Variants in PER3 observed in about 807,000 individuals in gnomAD.
The protein encoded by PER3 is period circadian protein homolog 3.
PER3 carries 107 observed loss-of-function variants against 127.2 expected under a neutral mutation model. The observed-to-expected ratio is 0.84, with a 90% CI of 0.72 to 0.99. The LOEUF (loss-of-function observed/expected upper bound fraction) is 0.99, where lower values mean the gene tolerates loss of function less well. Among genes scored for constraint, PER3 ranks in the 50% least tolerant of loss-of-function variants. The pLI is 0.00. For missense variants in PER3, 1,560 were observed against 1,525.8 expected (o/e 1.02, Z -0.37); for synonymous variants, 618 against 585.8 (o/e 1.05, Z -0.79).
Position 7,801,156 on chromosome 1 carries a change from C to T in PER3, c.837C>T (p.His279=). 6.2e-7 allele frequency: 1 copy of T among 1,607,922 alleles called. No individual in the cohort carries two copies. The highest frequency in any genetic ancestry group is 1.1e-5 in the South Asian group (1 of 90,066). ...ATAAAAGAATCTTCACCACCACACA[C>T]ACCCCAGGGTGTGTTTTTCTTGAAG... is the stretch of plus-strand genomic sequence containing the variant. ...PVNKRIFTTT[H]TPGCVFLEVD... is the part of the protein sequence containing the mutation. The change falls in exon 8 of 22, where the codon CAC becomes CAT. Residue 279 remains histidine, a synonymous_variant. Transcript: ENST00000377532.
chr1:7,809,393 T>C (rs891748610), intron 11 of PER3, among the ~76,000 whole-genome samples: 2 of 152,204 alleles, frequency 1.3e-5, no homozygotes, highest in Admixed American at 1.3e-4. Flanking sequence ...AATGTATGTG[T>C]TGAAATAACT....
At chr1:7,810,614 T>G in intron 13 of PER3, 26 bp downstream of exon 13, 1 of 1,592,490 alleles carries the variant, frequency 6.3e-7, no homozygotes, top group Non-Finnish European at 8.5e-7. Flanking sequence ...GCCCCAAGGA[T>G]CTCCTTCCAT....
rs1330264712 is a variant in PER3, at chr1:7,788,907, G to GGAA, written c.592+661_592+662insGAA. ...CGACAAGCGTGAAACTGTTTCTGGGGAAAAAAAAAAAAAAAAATTCAGATC... is the reference window on the plus strand; with the variant it reads ...CGACAAGCGTGAAACTGTTTCTGGGGGAAAAAAAAAAAAAAAAAAATTCAGATC... On this transcript the variant is annotated intron_variant, in intron 5 of 21. Transcript: ENST00000377532. Among the ~76,000 whole-genome samples, 46 of 141,786 alleles carry GGAA rather than the reference G, an allele frequency of 3.2e-4. 1 individual carries two copies. The highest frequency in any genetic ancestry group is 2.9e-3 in the East Asian group (14 of 4,892). The allele number at this position is 141,786 out of a possible 152,430, so 93.0% of individuals were successfully genotyped here.
intron 10 of PER3, among the ~76,000 whole-genome samples, chr1:7,804,303 CTTT>C (rs2097183389): frequency 1.6e-5 from 2 of 128,202 alleles, no homozygotes; most frequent in Non-Finnish European, 3.4e-5. Flanking sequence ...ACAAGTGTTT[CTTT>C]CTTTCTTTTT....
rs2097309366 is a variant in PER3, at chr1:7,827,710, G to A, written c.2781G>A (p.Ser927=). Residue 927 remains serine, a synonymous_variant, in exon 18 of 22, where the codon TCG becomes TCA. Transcript: ENST00000377532. Reference sequence around the variant, plus strand: ...GCGAGGGGCACCCGTTCATTACTTCGAGAAGCAGCTCACCCTTGCAGTTAA... The same window carrying A: ...GCGAGGGGCACCCGTTCATTACTTCAAGAAGCAGCTCACCCTTGCAGTTAA... The part of the protein sequence containing the change: ...AQSEGHPFIT[S]RSSSPLQLNL... 5 of 1,614,166 alleles carry A rather than the reference G, an allele frequency of 3.1e-6. No individual in the cohort carries two copies. The East Asian group carries it at 8.9e-5, about 29-fold the overall frequency.
Position 7,829,887 on chromosome 1 carries a change from A to G in PER3, c.2940A>G (p.Ala980=), listed in dbSNP as rs116369722. The change falls in exon 19 of 22, where the codon GCA becomes GCG. Residue 980 remains alanine, a synonymous_variant. Transcript: ENST00000377532. ...AGAGCAGTCCTGCTACTACCGGTGCACTGTCCACGGGGTCACCTCCCAGGG... is the reference window on the plus strand; with the variant it reads ...AGAGCAGTCCTGCTACTACCGGTGCGCTGTCCACGGGGTCACCTCCCAGGG... ...GSESSPATTG[A]LSTGSPPREN... is the part of the protein sequence containing the mutation. 2.4e-3 allele frequency: 3,857 copies of G among 1,613,970 alleles called. 94 individuals are homozygous for G. In the African/African-American group the frequency reaches 0.04, roughly 17 times the overall value.
intron 16 of PER3, among the ~76,000 whole-genome samples, chr1:7,823,364 C>T (rs370066807): frequency 1.9e-4 from 29 of 152,146 alleles, no homozygotes; most frequent in African/African-American, 5.3e-4. Flanking sequence ...ATGAAGCAGC[C>T]GGGCGTGGTG....
rs1577841063 is a variant in PER3 at position 7,817,716 on chromosome 1, G to A, written c.1523-1569G>A. ...AATATACAGAGGGATGGATAGACAC[G>A]GGTTAGTATATTATACCAAATAAAG... On this transcript the variant is annotated intron_variant, in intron 13 of 21. Transcript: ENST00000377532. 2.0e-5 allele frequency among the ~76,000 whole-genome samples: 3 copies of A among 152,144 alleles called. 1 individual carries two copies. The highest frequency in any genetic ancestry group is 1.3e-4 in the Admixed American group (2 of 15,274).
chr1:7,787,229 C>A, intron 4 of PER3: 2 of 908,260 alleles, frequency 2.2e-6, no homozygotes, highest in Non-Finnish European at 2.7e-6. Context: ...GTTGTAACAA[C>A]TGGATGTTAT....
rs369888292 is a variant in PER3, at chr1:7,820,530, C to T, written c.1847C>T (p.Thr616Ile). 1.1e-5 allele frequency: 17 copies of T among 1,613,988 alleles called. No individual in the cohort carries two copies. In the African/African-American group the frequency reaches 1.7e-4, roughly 16 times the overall value. The change falls in exon 16 of 22, where the codon ACA becomes ATA. Residue 616 changes from threonine to isoleucine, a missense_variant. Thr to Ile is a moderately conservative substitution (Grantham distance 89). This residue lies in a region of PER3 where 1,332 missense variants were observed against 1,223.6 expected (regional missense o/e 1.09). Transcript: ENST00000377532. Reference protein sequence around the residue: ...EMPTNGRSIDTGGGAPQILST... With the variant: ...EMPTNGRSIDIGGGAPQILST... ...CCAACAAATGGACGGTCCATAGACA[C>T]AGGAGGAGGAGCTCCACAGATCCTG...
In PER3 at chr1:7,844,105, T is replaced by TA; in HGVS notation, c.*1351dup. The stretch of plus-strand genomic sequence containing the variant: ...AAAATACTTTTCTCCTTTGAAGTTT[T>TA]ACAGCTTTTTGTAAATGCGTCCTGA... On this transcript the variant is annotated 3_prime_UTR_variant, in exon 22 of 22. Coordinates refer to ENST00000377532, the MANE Select transcript of PER3 (RefSeq NM_001377275.1). The TA allele has an allele frequency of 2.1e-6, 1 of 467,088 alleles. No homozygotes were observed. The highest frequency in any genetic ancestry group is 3.0e-6 in the Non-Finnish European group (1 of 330,244). 28.9% of individuals were successfully genotyped at this position (467,088 alleles called of 1,614,324 possible). A position where few individuals can be genotyped will look rare whatever the true frequency, so the allele number is the denominator to read the frequency against.
At chr1:7,793,644 G>T (rs2097131740) in intron 5 of PER3, among the ~76,000 whole-genome samples, 1 of 152,162 alleles carries the variant, frequency 6.6e-6, no homozygotes, top group Non-Finnish European at 1.5e-5. Context: ...TGTGTCCAAG[G>T]ATCATTACAT....
In PER3 at chr1:7,845,038, G is replaced by A. The variant is rs1156887209; in HGVS notation, c.*2283G>A. The A allele has an allele frequency of 6.6e-6, 1 of 152,338 alleles. No homozygotes were observed. The highest frequency in any genetic ancestry group is 2.4e-5 in the African/African-American group (1 of 41,438). 9.4% of individuals were successfully genotyped at this position (152,338 alleles called of 1,614,324 possible). Reference sequence around the variant, plus strand: ...GTGACACTTCATTGTAATTCACAGTGTAAATTTAATCCAAACTGAAATTTT... The same window carrying A: ...GTGACACTTCATTGTAATTCACAGTATAAATTTAATCCAAACTGAAATTTT... On this transcript the variant is annotated 3_prime_UTR_variant, in exon 22 of 22. Transcript: ENST00000377532.
chr1:7,800,772 A>G (rs1315809182), intron 7 of PER3, among the ~76,000 whole-genome samples: 1 of 150,806 alleles, frequency 6.6e-6, no homozygotes, highest in Non-Finnish European at 1.5e-5. Context: ...GGTTGCAATG[A>G]GCCGAGATCA....
chr1:7,791,056 C>G (rs187622428), intron 5 of PER3, among the ~76,000 whole-genome samples: 1 of 152,306 alleles, frequency 6.6e-6, no homozygotes, highest in South Asian at 2.1e-4. Context: ...TTTGGTGGAT[C>G]TACCATTCTT....
In PER3 at chr1:7,827,202, G is replaced by GA. The variant is rs1553319632; in HGVS notation, c.2273_2274insA (p.Ser758ArgfsTer105). 1.2e-6 allele frequency: 2 copies of GA among 1,613,654 alleles called. No individual in the cohort carries two copies. The highest frequency in any genetic ancestry group is 8.5e-7 in the Non-Finnish European group (1 of 1,179,892). Reference sequence around the variant, plus strand: ...AAGAAGCTGCCGGAGCCGCCAGACAGCAGCAGCTCGAACACCGGCTCTGGT... The same window carrying GA: ...AAGAAGCTGCCGGAGCCGCCAGACAGACAGCAGCTCGAACACCGGCTCTGGT... On this transcript the variant is annotated frameshift_variant, in exon 18 of 22. Transcript: ENST00000377532. LOFTEE classifies it high-confidence loss of function.
intron 16 of PER3, among the ~76,000 whole-genome samples, chr1:7,823,019 G>A (rs980390760): frequency 6.6e-6 from 1 of 152,188 alleles, no homozygotes; most frequent in African/African-American, 2.4e-5. Flanking sequence ...GCTACAGTGA[G>A]TTCTGATCAC....
At chr1:7,833,656 A>G (rs955749630) in intron 19 of PER3, among the ~76,000 whole-genome samples, 10 of 152,168 alleles carry the variant, frequency 6.6e-5, no homozygotes, top group Admixed American at 3.9e-4. Context: ...CGTAACCACC[A>G]TATAGTTGGG....
intron 10 of PER3, among the ~76,000 whole-genome samples, chr1:7,804,556 A>G (rs1467695655): frequency 6.6e-6 from 1 of 151,606 alleles, no homozygotes; most frequent in Non-Finnish European, 1.5e-5. Flanking sequence ...GCCTGCCAAC[A>G]CATTCAGCCC....
Sources: allele counts gnomAD v4.1 joint callset (sites outside exome capture counted in the v4.1 genomes callset), GRCh38; gene constraint gnomAD v4.1.1; regional missense constraint gnomAD v4.1.1; transcripts MANE v1.5; gene names NCBI Gene and HGNC (gene_info 2026-07-23, HGNC 2026-07-21).